Variants in PAX5 observed in about 807,000 individuals in gnomAD.
PAX5 encodes paired box protein Pax-5.
Under a neutral mutation model 43.7 loss-of-function variants are expected in PAX5, and 9 were observed. The ratio of observed to expected loss-of-function variants is 0.21; its 90% CI spans 0.12 to 0.36. The LOEUF (loss-of-function observed/expected upper bound fraction) is 0.36, where lower values mean the gene tolerates loss of function less well. Among genes scored for constraint, PAX5 ranks in the 10% least tolerant of loss-of-function variants. PAX5 has a pLI of 1.00. For missense variants in PAX5, 383 were observed against 532.7 expected, an observed-to-expected ratio of 0.72 and a Z score of 2.77; for synonymous variants, 228 against 214.3, an observed-to-expected ratio of 1.06 and a Z score of -0.56.
At chr9:36,851,618 T>C (rs1306528953) in intron 8 of PAX5, among the ~76,000 whole-genome samples, 1 of 152,214 alleles carries the variant, frequency 6.6e-6, no homozygotes, top group Non-Finnish European at 1.5e-5. Context: ...AATGAGGGTT[T>C]GAATCAATTT....
At chr9:37,002,900 G>C (rs1838030092) in intron 4 of PAX5, 124 bp from the exon 5 acceptor site, 2 of 1,231,924 alleles carry the variant, frequency 1.6e-6, no homozygotes, top group Non-Finnish European at 2.2e-6. Flanking sequence ...GGGGCGCTGA[G>C]GACCCTCGCT....
intron 1 of PAX5, among the ~76,000 whole-genome samples, chr9:37,022,960 G>C (rs874411): frequency 0.31 from 47,683 of 152,076 alleles, 8,657 homozygotes; most frequent in Admixed American, 0.42. Context: ...CTCTTAGAGG[G>C]TGGTGGTGAG....
intron 5 of PAX5, among the ~76,000 whole-genome samples, chr9:36,982,348 T>C (rs1163886463): frequency 6.6e-6 from 1 of 152,138 alleles, no homozygotes; most frequent in Admixed American, 6.5e-5. Flanking sequence ...CTAAGGTGAA[T>C]CCCTTGGTTC....
At chr9:36,900,893 C>A (rs575051284) in intron 7 of PAX5, among the ~76,000 whole-genome samples, 13 of 149,700 alleles carry the variant, frequency 8.7e-5, no homozygotes, top group Non-Finnish European at 1.8e-4. Context: ...ATCTCAGCCA[C>A]TGGCTCCATT....
At chr9:37,026,591 T>G in intron 1 of PAX5, 1 of 1,347,676 alleles carries the variant, frequency 7.4e-7, no homozygotes, top group Non-Finnish European at 9.8e-7. Flanking sequence ...CGCTCCAGAC[T>G]GCAGGCCGGC....
chr9:36,862,492 C>G (rs961730289), intron 8 of PAX5, among the ~76,000 whole-genome samples: 1 of 152,160 alleles, frequency 6.6e-6, no homozygotes, highest in Admixed American at 6.5e-5. Context: ...AGATCATGTT[C>G]TCTCCAAAAG....
rs1831461054 is a variant in PAX5, at chr9:36,935,356, G to T, written c.781-11872C>A. Among the ~76,000 whole-genome samples the T allele has an allele frequency of 4.6e-5, 7 of 151,306 alleles. 1 individual carries two copies. In the South Asian group the frequency reaches 1.5e-3, roughly 32 times the overall value. ...GATTGTGCCATTGCACTCCAGCCTGGGCAACAAGAGCGAAACTCCATCTCC... is the reference window on the plus strand; with the variant it reads ...GATTGTGCCATTGCACTCCAGCCTGTGCAACAAGAGCGAAACTCCATCTCC... On this transcript the variant is annotated intron_variant, in intron 6 of 9. Transcript: ENST00000358127.
intron 6 of PAX5, among the ~76,000 whole-genome samples, chr9:36,927,099 T>C (rs1374656368): frequency 6.6e-6 from 1 of 152,006 alleles, no homozygotes; most frequent in African/African-American, 2.4e-5. Context: ...AGGGGAAAGA[T>C]GGAATGGTAG....
chr9:37,011,259 G>A (rs956086464), intron 3 of PAX5, among the ~76,000 whole-genome samples: 2 of 152,070 alleles, frequency 1.3e-5, no homozygotes, highest in Admixed American at 6.5e-5. Flanking sequence ...GACAAGTTTT[G>A]TTAGCCTGCA....
At chr9:37,033,945 TC>T in intron 1 of PAX5, 40 bp downstream of exon 1, 2 of 1,605,180 alleles carry the variant, frequency 1.2e-6, no homozygotes, top group Non-Finnish European at 1.7e-6. Context: ...CCTGGCCGTG[TC>T]CCGGAGTTTG....
At chr9:36,854,709 G>A (rs768633557) in intron 8 of PAX5, among the ~76,000 whole-genome samples, 19 of 152,134 alleles carry the variant, frequency 1.2e-4, no homozygotes, top group Non-Finnish European at 2.5e-4. Flanking sequence ...GAAAACCTGA[G>A]CTCAGTAAAG....
intron 8 of PAX5, among the ~76,000 whole-genome samples, chr9:36,864,464 G>C (rs1318512680): frequency 1.3e-5 from 2 of 152,236 alleles, no homozygotes; most frequent in African/African-American, 4.8e-5. Context: ...CTTGATCCTT[G>C]TGGATGTGCA....
chr9:36,842,371 C>T (rs79920469), intron 9 of PAX5, among the ~76,000 whole-genome samples: 140 of 152,212 alleles, frequency 9.2e-4, no homozygotes, highest in Non-Finnish European at 1.6e-3. Context: ...GCCCTACACA[C>T]GGGCCCCAGA....
chr9:36,908,464 A>G (rs192416729), intron 7 of PAX5, among the ~76,000 whole-genome samples: 65 of 152,212 alleles, frequency 4.3e-4, no homozygotes, highest in African/African-American at 1.5e-3. Flanking sequence ...CTCCCCCATC[A>G]GACTGTGAGT....
At chr9:37,020,889 C>A (rs1839791085) in intron 1 of PAX5, 88 bp from the exon 2 acceptor site, 1 of 1,418,252 alleles carries the variant, frequency 7.1e-7, no homozygotes, top group South Asian at 1.3e-5. Context: ...CCCAGAGCCC[C>A]TCTGATCACA....
intron 5 of PAX5, among the ~76,000 whole-genome samples, chr9:36,996,836 A>G (rs1837435025): frequency 6.6e-6 from 1 of 152,136 alleles, no homozygotes; most frequent in Admixed American, 6.5e-5. Context: ...AGAGAGAGAT[A>G]GCAAGAGAGA....
At chr9:36,935,207 C>A (rs191937967) in intron 6 of PAX5, among the ~76,000 whole-genome samples, 4 of 152,062 alleles carry the variant, frequency 2.6e-5, no homozygotes, top group South Asian at 2.1e-4. Flanking sequence ...CATGGAGAAA[C>A]CTGTGTCTAC....
At chr9:37,033,106 A>G (rs1337363146) in intron 1 of PAX5, among the ~76,000 whole-genome samples, 12 of 152,304 alleles carry the variant, frequency 7.9e-5, no homozygotes, top group Admixed American at 7.8e-4. Flanking sequence ...AACTAACCCT[A>G]CAGGTGTCCG....
At chr9:37,032,507 G>A (rs956244691) in intron 1 of PAX5, among the ~76,000 whole-genome samples, 1 of 152,216 alleles carries the variant, frequency 6.6e-6, no homozygotes, top group Non-Finnish European at 1.5e-5. Context: ...CATCCTGGGA[G>A]CACTCTTCTG....
Sources: allele counts gnomAD v4.1 joint callset (sites outside exome capture counted in the v4.1 genomes callset), GRCh38; gene constraint gnomAD v4.1.1; transcripts MANE v1.5; gene names NCBI Gene and HGNC (gene_info 2026-07-23, HGNC 2026-07-21).